Variants in RBM46 observed in about 807,000 individuals in gnomAD.
RBM46 encodes RNA binding motif protein 46.
A neutral mutation model predicts 43.3 loss-of-function variants in RBM46; 12 were observed. The observed-to-expected ratio is 0.28, with a 90% CI of 0.18 to 0.45. The LOEUF is 0.45. Among genes scored for constraint, RBM46 ranks in the 20% least tolerant of loss-of-function variants. RBM46 has a pLI of 1.00. For synonymous variants in RBM46, 205 were observed against 207.6 expected (o/e 0.99, Z 0.11); for missense variants, 412 against 639.1 (o/e 0.64, Z 3.83).
At chr4:154,806,167 T>G (rs902507794) in intron 4 of RBM46, among the ~76,000 whole-genome samples, 3 of 151,846 alleles carry the variant, frequency 2.0e-5, no homozygotes, top group African/African-American at 7.2e-5. Context: ...TGAAAGACCA[T>G]TTAAATGAAC....
intron 4 of RBM46, among the ~76,000 whole-genome samples, chr4:154,803,250 C>G (rs945085970): frequency 4.6e-5 from 7 of 151,868 alleles, no homozygotes; most frequent in African/African-American, 1.7e-4. Flanking sequence ...AGCAAAATAC[C>G]CTTAATAAAA....
In RBM46 at chr4:154,799,491, C is replaced by G. The variant is rs765856603; in HGVS notation, c.1329C>G (p.Phe443Leu). The change falls in exon 4 of 5, where the codon TTC becomes TTG. Residue 443 changes from phenylalanine to leucine, a missense_variant. Phe to Leu is a conservative substitution (Grantham distance 22). This residue lies in a region of RBM46 where 149 missense variants were observed against 156.3 expected (regional missense o/e 0.95). Coordinates refer to ENST00000281722, the MANE Select transcript of RBM46 (RefSeq NM_144979.5). ...TTGCAAATGGATCCCAGAGTTACTTCATGCCAGACAAACTCTGTACTACGT... is the reference window on the plus strand; with the variant it reads ...TTGCAAATGGATCCCAGAGTTACTTGATGCCAGACAAACTCTGTACTACGT... Reference protein sequence around the residue: ...PAIANGSQSYFMPDKLCTTLE... With the variant: ...PAIANGSQSYLMPDKLCTTLE... The G allele has an allele frequency of 6.2e-7, 1 of 1,612,538 alleles. No individual in the cohort carries two copies. Among genetic ancestry groups the G allele is most frequent in the Non-Finnish European group, 8.5e-7 (1 of 1,179,340 alleles).
intron 4 of RBM46, among the ~76,000 whole-genome samples, chr4:154,806,143 T>C (rs1446888518): frequency 6.6e-6 from 1 of 151,856 alleles, no homozygotes; most frequent in Non-Finnish European, 1.5e-5. Context: ...TCTTGAAGTT[T>C]ACTTTTTTTT....
At chr4:154,827,506 T>A (rs1736020506) in intron 4 of RBM46, 1 of 1,015,482 alleles carries the variant, frequency 9.8e-7, no homozygotes, top group Admixed American at 5.6e-5. Flanking sequence ...GTTTTTTATC[T>A]TTTCTTCATG....
At chr4:154,811,491 G>T (rs1735168814) in intron 4 of RBM46, among the ~76,000 whole-genome samples, 1 of 152,080 alleles carries the variant, frequency 6.6e-6, no homozygotes, top group South Asian at 2.1e-4. Flanking sequence ...CATGTAAATA[G>T]TGAAGAATAA....
intron 1 of RBM46, chr4:154,787,109 G>A (rs1423295241): frequency 6.6e-6 from 1 of 152,090 alleles, no homozygotes; most frequent in Non-Finnish European, 1.5e-5. Context: ...TTTTCAATAA[G>A]TGAGTTTCTA....
chr4:154,802,223 A>G (rs1392004962), intron 4 of RBM46, among the ~76,000 whole-genome samples: 1 of 152,202 alleles, frequency 6.6e-6, no homozygotes, highest in Admixed American at 6.5e-5. Flanking sequence ...TAGAGGCAGG[A>G]AAATATATTT....
chr4:154,794,173 A>G (rs1734232956), intron 1 of RBM46, among the ~76,000 whole-genome samples: 1 of 142,918 alleles, frequency 7.0e-6, no homozygotes, highest in African/African-American at 2.7e-5. Flanking sequence ...TTTAGTAGTA[A>G]TCACTTTTTT....
chr4:154,803,671 C>G lies in RBM46; in HGVS notation c.1402+4107C>G, dbSNP rs1271700234. 7.5e-5 allele frequency among the ~76,000 whole-genome samples: 9 copies of G among 119,672 alleles called. No homozygotes were observed. In the Admixed American group the frequency reaches 1.1e-3, roughly 15 times the overall value. 78.5% of individuals were successfully genotyped at this position (119,672 alleles called of 152,430 possible). On this transcript the variant is annotated intron_variant, in intron 4 of 4. Transcript: ENST00000281722. ...TGAGCCGACATCAAGCCACTGCACT[C>G]AGGCCTGGGCAACAGAGCCAGACTA...
rs1333805254 is a variant in RBM46 at position 154,820,369 on chromosome 4, A to T, written c.1403-7499A>T. 3 of 1,524,320 alleles carry T rather than the reference A, an allele frequency of 2.0e-6. No individual in the cohort carries two copies. The South Asian group carries it at 3.6e-5, about 18-fold the overall frequency. The allele number at this position is 1,524,320 out of a possible 1,614,324, so 94.4% of individuals were successfully genotyped here. A position where few individuals can be genotyped will look rare whatever the true frequency, so the allele number is the denominator to read the frequency against. On this transcript the variant is annotated intron_variant, in intron 4 of 4. Coordinates refer to ENST00000281722, the MANE Select transcript of RBM46 (RefSeq NM_144979.5). ...CTGTCTTCACTGCTTACAGACAGGGAACACAATCTCTTCAGCCTGGACCTG... is the reference window on the plus strand; with the variant it reads ...CTGTCTTCACTGCTTACAGACAGGGTACACAATCTCTTCAGCCTGGACCTG...
intron 1 of RBM46, among the ~76,000 whole-genome samples, chr4:154,788,110 T>C (rs1350198408): frequency 6.6e-6 from 1 of 152,132 alleles, no homozygotes; most frequent in African/African-American, 2.4e-5. Context: ...GGTTAGATTG[T>C]AAAAATTTTC....
intron 3 of RBM46, among the ~76,000 whole-genome samples, chr4:154,798,509 T>C (rs1734457468): frequency 6.6e-6 from 1 of 152,238 alleles, no homozygotes; most frequent in Non-Finnish European, 1.5e-5. Context: ...GAGCTGTTAA[T>C]TGTTGTTTAA....
intron 1 of RBM46, among the ~76,000 whole-genome samples, chr4:154,790,888 C>G (rs1197247731): frequency 2.6e-5 from 4 of 152,108 alleles, no homozygotes; most frequent in Non-Finnish European, 5.9e-5. Context: ...AATTCGGATA[C>G]TTGATATAGG....
chr4:154,786,760 C>T (rs1733791200), intron 1 of RBM46, among the ~76,000 whole-genome samples: 1 of 151,992 alleles, frequency 6.6e-6, no homozygotes, highest in Non-Finnish European at 1.5e-5. Context: ...AACCCCACCT[C>T]TACTAAAAAT....
chr4:154,813,036 ATTCC>A (rs1735258305), intron 4 of RBM46, among the ~76,000 whole-genome samples: 1 of 152,082 alleles, frequency 6.6e-6, no homozygotes, highest in African/African-American at 2.4e-5. Context: ...ATTTGTTGTT[ATTCC>A]CTGCATTATA....
chr4:154,788,036 AT>A (rs557667489), intron 1 of RBM46, among the ~76,000 whole-genome samples: 1 of 151,552 alleles, frequency 6.6e-6, no homozygotes. Context: ...GGGTTGTTTG[AT>A]TTTTTTTCTT....
intron 1 of RBM46, among the ~76,000 whole-genome samples, chr4:154,791,427 C>A (rs779793975): frequency 9.9e-5 from 15 of 152,082 alleles, no homozygotes; most frequent in Non-Finnish European, 7.3e-5. Flanking sequence ...GAGGCCAAGG[C>A]GGTGGATCAC....
chr4:154,814,704 T>C (rs1191427184), intron 4 of RBM46, among the ~76,000 whole-genome samples: 2 of 152,030 alleles, frequency 1.3e-5, no homozygotes, highest in Admixed American at 1.3e-4. Flanking sequence ...TTGAAAATCA[T>C]TATAGTTTTT....
At position 154,799,074 on chromosome 4, in the gene RBM46, A is replaced by T. The variant is rs138248013; in HGVS notation, c.912A>T (p.Thr304=). 320 of 1,614,138 alleles carry T rather than the reference A, an allele frequency of 2.0e-4. No individual in the cohort carries two copies. In the East Asian group the frequency reaches 6.8e-3, roughly 35 times the overall value. Residue 304 remains threonine, a synonymous_variant, in exon 4 of 5, where the codon ACA becomes ACT. Transcript: ENST00000281722. ...TTGATGGAGCAAGTATTGAGGTAAC[A>T]CTAGCTAAACCAGTAAATAAAGAAA... ...KCIDGASIEV[T]LAKPVNKENT...
Sources: gnomAD v4.1 joint callset for allele counts (sites outside exome capture counted in the v4.1 genomes callset) on GRCh38, gnomAD v4.1.1 for gene constraint, gnomAD v4.1.1 regional missense constraint, MANE v1.5 for transcripts, NCBI Gene and HGNC (gene_info 2026-07-23, HGNC 2026-07-21) for gene names.